The following ZNF10 variants were observed in gnomAD, a reference collection of about 807,000 sequenced individuals.
ZNF10 encodes the protein zinc finger protein 10 (KOX 1).
In ZNF10, 8 loss-of-function variants were observed where a neutral mutation model predicts 12.2. The observed-to-expected ratio is 0.66, with a 90% CI of 0.39 to 1.18. The LOEUF is 1.18. Among genes scored for constraint, ZNF10 ranks in the 50% most tolerant of loss-of-function variants. The pLI is 0.01. For missense variants in ZNF10, 603 were observed against 678.9 expected, an observed-to-expected ratio of 0.89 and a Z score of 1.24; for synonymous variants, 229 against 228.2, an observed-to-expected ratio of 1.00 and a Z score of -0.03.
intron 1 of ZNF10, among the ~76,000 whole-genome samples, chr12:133,139,742 C>A (rs1407650982): frequency 6.6e-6 from 1 of 152,040 alleles, no homozygotes; most frequent in African/African-American, 2.4e-5. Flanking sequence ...TAAAAAGAAA[C>A]TCTAGAAAGA....
At position 133,158,690 on chromosome 12, in the gene ZNF10, ATTG is replaced by A. The variant is rs997474132; in HGVS notation, c.*1726_*1728del. ...ATAAATATTAGCTGCTCAATGATTG[ATTG>A]TTGAATGATAGATGAAGTATTGCTG... is the stretch of plus-strand genomic sequence containing the variant. On this transcript the variant is annotated 3_prime_UTR_variant, in exon 5 of 5. Coordinates refer to ENST00000248211, the MANE Select transcript of ZNF10 (RefSeq NM_015394.5). 1.3e-5 allele frequency: 2 copies of A among 152,218 alleles called. No homozygotes were observed. The highest frequency in any genetic ancestry group is 4.8e-5 in the African/African-American group (2 of 41,468). The allele number at this position is 152,218 out of a possible 1,614,324, so 9.4% of individuals were successfully genotyped here.
At chr12:133,147,213 G>A (rs1955981591) in intron 2 of ZNF10, among the ~76,000 whole-genome samples, 1 of 152,092 alleles carries the variant, frequency 6.6e-6, no homozygotes. Context: ...CCTTTCTCAG[G>A]TTTATACATT....
chr12:133,156,870 G>T lies in ZNF10; in HGVS notation c.1624G>T (p.Glu542Ter). ...AGTTCATCAAATAGCTCACACTGGA[G>T]AGCAGTTCTTAACATGCAATCAATG... ...FIVHQIAHTGEQFLTCNQCGT... is the reference protein window; with the variant it reads ...FIVHQIAHTG Residue 542 changes from glutamate to a stop codon, truncating the protein, a stop_gained, in exon 5 of 5, where the codon GAG becomes TAG. Coordinates refer to ENST00000248211, the MANE Select transcript of ZNF10 (RefSeq NM_015394.5). LOFTEE classifies it low-confidence loss of function (END_TRUNC). The T allele has an allele frequency of 2.0e-6, 3 of 1,522,896 alleles. No homozygotes were observed. Among genetic ancestry groups the T allele is most frequent in the Non-Finnish European group, 2.6e-6 (3 of 1,138,252 alleles). 94.3% of individuals were successfully genotyped at this position (1,522,896 alleles called of 1,614,324 possible). A position where few individuals can be genotyped will look rare whatever the true frequency, so the allele number is the denominator to read the frequency against.
chr12:133,155,913 A>G lies in ZNF10; in HGVS notation c.667A>G (p.Ile223Val). 2 of 1,614,006 alleles carry G rather than the reference A, an allele frequency of 1.2e-6. No homozygotes were observed. The highest frequency in any genetic ancestry group is 1.7e-6 in the Non-Finnish European group (2 of 1,179,960). ...ATGTGGTCAAACTTTCTGTCAAAAC[A>G]TTCACCTTATTCAGTTTGCAAGAAC... is the stretch of plus-strand genomic sequence containing the variant. Reference protein sequence around the residue: ...NECGQTFCQNIHLIQFARTHT... With the variant: ...NECGQTFCQNVHLIQFARTHT... Residue 223 changes from isoleucine (I) to valine (V), a missense_variant, in exon 5 of 5, where the codon ATT (isoleucine) becomes GTT (valine). Around this residue, in one of 3 missense-constraint regions of ZNF10, gnomAD observed 393 missense variants for 399.7 expected, o/e 0.98. Coordinates refer to ENST00000248211, the MANE Select transcript of ZNF10 (RefSeq NM_015394.5).
intron 3 of ZNF10, 74 bp downstream of exon 3, chr12:133,151,228 C>T (rs1039881590): frequency 6.8e-7 from 1 of 1,469,886 alleles, no homozygotes. Context: ...AAGCATGTAT[C>T]ACACCAGAGT....
chr12:133,144,607 ATCT>A, intron 2 of ZNF10, 82 bp downstream of exon 2: 1 of 1,375,654 alleles, frequency 7.3e-7, no homozygotes, highest in Non-Finnish European at 1.0e-6. Flanking sequence ...CAGAAATTAT[ATCT>A]TCTTCTCCAG....
Position 133,155,761 on chromosome 12 carries a change from A to G in ZNF10, c.515A>G (p.Asn172Ser). 5 of 1,613,174 alleles carry G rather than the reference A, an allele frequency of 3.1e-6. No homozygotes were observed. The African/African-American group carries it at 5.3e-5, about 17-fold the overall frequency. ...RVSESGKYGG[N>S]CLLPAQLVLR... ...TCTGAAAGTGGTAAATATGGGGGAA[A>G]CTGTCTTCTTCCTGCTCAGCTAGTA... Residue 172 changes from asparagine (N) to serine (S), a missense_variant, in exon 5 of 5, where the codon AAC (asparagine) becomes AGC (serine). By Grantham distance (46) the Asn-to-Ser change is conservative (BLOSUM62 1). Transcript: ENST00000248211.
rs892558810 is a variant in ZNF10, at chr12:133,131,481, T to TA, written c.-60+739dup. Among the ~76,000 whole-genome samples the TA allele has an allele frequency of 3.0e-3, 437 of 144,002 alleles. 1 individual carries two copies. The highest frequency in any genetic ancestry group is 9.4e-3 in the African/African-American group (371 of 39,502). 94.5% of individuals were successfully genotyped at this position (144,002 alleles called of 152,430 possible). A position where few individuals can be genotyped will look rare whatever the true frequency, so the allele number is the denominator to read the frequency against. The stretch of plus-strand genomic sequence containing the variant: ...TTAATTGCAGAAAGATACTGTTAAT[T>TA]AAAAAAAAAAAAGTAAAAGGGAAGG... On this transcript the variant is annotated intron_variant, in intron 1 of 4. Coordinates refer to ENST00000248211, the MANE Select transcript of ZNF10 (RefSeq NM_015394.5).
At chr12:133,150,567 TG>T (rs1566349116) in intron 2 of ZNF10, among the ~76,000 whole-genome samples, 1 of 150,958 alleles carries the variant, frequency 6.6e-6, no homozygotes, top group Non-Finnish European at 1.5e-5. Context: ...CCAACTCTTC[TG>T]TTTTTTTTTT....
intron 4 of ZNF10, among the ~76,000 whole-genome samples, chr12:133,152,402 C>G (rs923197768): frequency 3.9e-5 from 6 of 151,962 alleles, no homozygotes; most frequent in African/African-American, 1.4e-4. Context: ...ACCAGTTTTT[C>G]CTACTGTACT....
intron 1 of ZNF10, chr12:133,143,695 G>A (rs1955959251): frequency 6.6e-6 from 1 of 152,090 alleles, no homozygotes; most frequent in Non-Finnish European, 1.5e-5. Context: ...GTTTTCTGTT[G>A]CTTGTAGCAT....
intron 3 of ZNF10, 87 bp downstream of exon 3, chr12:133,151,241 A>C (rs1221062625): frequency 2.3e-6 from 3 of 1,325,010 alleles, no homozygotes; most frequent in Non-Finnish European, 3.0e-6. Context: ...ACCAGAGTAT[A>C]GGCTTGGCGT....
intron 2 of ZNF10, among the ~76,000 whole-genome samples, chr12:133,147,573 C>A (rs1440953161): frequency 7.1e-6 from 1 of 141,454 alleles, no homozygotes; most frequent in Non-Finnish European, 1.5e-5. Context: ...TTATTTTAGT[C>A]TTTTGCTCAG....
intron 1 of ZNF10, among the ~76,000 whole-genome samples, chr12:133,139,993 C>T (rs1426723849): frequency 6.6e-6 from 1 of 151,726 alleles, no homozygotes; most frequent in Non-Finnish European, 1.5e-5. Context: ...TACTTGAGCC[C>T]AAGACTTTGA....
chr12:133,139,565 T>C (rs947952794), intron 1 of ZNF10, among the ~76,000 whole-genome samples: 3 of 152,168 alleles, frequency 2.0e-5, no homozygotes, highest in African/African-American at 7.2e-5. Context: ...ACAGAGATGA[T>C]GTTGCTGCAA....
chr12:133,131,267 A>AT (rs147236631), intron 1 of ZNF10, among the ~76,000 whole-genome samples: 3,637 of 151,736 alleles, frequency 0.024, 133 homozygotes, highest in African/African-American at 0.083. Flanking sequence ...TGGTTAATCT[A>AT]TTTTTTTTAT....
At chr12:133,136,393 T>C in intron 1 of ZNF10, among the ~76,000 whole-genome samples, 1 of 152,356 alleles carries the variant, frequency 6.6e-6, no homozygotes, top group East Asian at 1.9e-4. Flanking sequence ...TGAAGGCTTA[T>C]CTAACCAATC....
intron 1 of ZNF10, chr12:133,139,324 A>G (rs1955930899): frequency 6.6e-6 from 1 of 152,268 alleles, no homozygotes; most frequent in Admixed American, 6.5e-5. Context: ...GAAAAGGAAG[A>G]ACATATCTGG....
intron 1 of ZNF10, among the ~76,000 whole-genome samples, chr12:133,133,235 T>C (rs1473206073): frequency 6.6e-6 from 1 of 152,202 alleles, no homozygotes; most frequent in Non-Finnish European, 1.5e-5. Flanking sequence ...TTTTTGCTGA[T>C]CATACCTTGC....
Sources: gnomAD v4.1 joint callset for allele counts (sites outside exome capture counted in the v4.1 genomes callset) on GRCh38, gnomAD v4.1.1 for gene constraint, gnomAD v4.1.1 regional missense constraint, MANE v1.5 for transcripts, NCBI Gene and HGNC (gene_info 2026-07-23, HGNC 2026-07-21) for gene names.